The following CMYA5 variants were observed in gnomAD, a reference collection of about 807,000 sequenced individuals.
CMYA5 encodes the protein cardiomyopathy associated 5.
In CMYA5, 246 loss-of-function variants were observed where a neutral mutation model predicts 318.9. The observed-to-expected ratio is 0.77, with a 90% CI of 0.70 to 0.86. The LOEUF (loss-of-function observed/expected upper bound fraction) is 0.86, where lower values mean the gene tolerates loss of function less well. CMYA5 is among the 40% of genes least tolerant of loss of function. The pLI, the probability that CMYA5 is intolerant of heterozygous loss-of-function variation, is 0.00. For missense variants in CMYA5, 4,589 were observed against 4,678.2 expected, an observed-to-expected ratio of 0.98 and a Z score of 0.56; for synonymous variants, 1,641 against 1,729.5, an observed-to-expected ratio of 0.95 and a Z score of 1.27.
intron 10 of CMYA5, among the ~76,000 whole-genome samples, chr5:79,789,772 T>C (rs1829144490): frequency 6.6e-6 from 1 of 152,140 alleles, no homozygotes; most frequent in African/African-American, 2.4e-5. Context: ...AATTTGTGGA[T>C]ATGGTGTGTG....
intron 9 of CMYA5, 100 bp from the exon 10 acceptor site, chr5:79,788,871 T>A (rs2151100186): frequency 8.3e-7 from 1 of 1,211,580 alleles, no homozygotes; most frequent in East Asian, 2.4e-5. Context: ...AATAAGTTAT[T>A]TGTTGCTAAT....
Position 79,789,024 on chromosome 5 carries a change from A to G in CMYA5, c.11609A>G (p.Asp3870Gly). ...CTGAAAGTTAACCTCCAACCCAATG[A>G]TAACTACTTTTTCTATGTGAGGGCC... is the stretch of plus-strand genomic sequence containing the variant. ...LQLKVNLQPNDNYFFYVRAIN... is the reference protein window; with the variant it reads ...LQLKVNLQPNGNYFFYVRAIN... The change falls in exon 10 of 13, where the codon GAT becomes GGT. Residue 3870 changes from aspartate to glycine, a missense_variant. Around this residue, in one of 3 missense-constraint regions of CMYA5, gnomAD observed 2,431 missense variants for 2,495.1 expected, o/e 0.97. Transcript: ENST00000446378. 1 of 1,613,918 alleles carries G rather than the reference A, an allele frequency of 6.2e-7. No individual in the cohort carries two copies. The highest frequency in any genetic ancestry group is 8.5e-7 in the Non-Finnish European group (1 of 1,179,828).
chr5:79,799,251 C>T, intron 12 of CMYA5, 119 bp from the exon 13 acceptor site: 1 of 1,012,756 alleles, frequency 9.9e-7, no homozygotes, highest in South Asian at 1.7e-5. Flanking sequence ...AGCATTATTG[C>T]AACTCCTTAT....
chr5:79,690,528 T>A (rs944403358), intron 1 of CMYA5, among the ~76,000 whole-genome samples: 1 of 152,102 alleles, frequency 6.6e-6, no homozygotes, highest in Non-Finnish European at 1.5e-5. Flanking sequence ...CAAAGGCCCA[T>A]AAATTCTTTG....
At chr5:79,774,729 T>C (rs747297340) in intron 9 of CMYA5, among the ~76,000 whole-genome samples, 9 of 152,142 alleles carry the variant, frequency 5.9e-5, no homozygotes, top group African/African-American at 1.7e-4. Context: ...TATTCCTCCT[T>C]CTTCCAGCTT....
In CMYA5 at chr5:79,787,026, A is replaced by T. The variant is rs554169378; in HGVS notation, c.11556-1945A>T. Among the ~76,000 whole-genome samples, 21 of 152,292 alleles carry T rather than the reference A, an allele frequency of 1.4e-4. No individual in the cohort carries two copies. The South Asian group carries it at 1.9e-3, about 14-fold the overall frequency. ...CTTTATTCTTTAAATGAGCAATGAG[A>T]CAGAGCATGCAGTTGACTATATATG... is the stretch of plus-strand genomic sequence containing the variant. On this transcript the variant is annotated intron_variant, in intron 9 of 12. Coordinates refer to ENST00000446378, the MANE Select transcript of CMYA5 (RefSeq NM_153610.5).
intron 9 of CMYA5, among the ~76,000 whole-genome samples, chr5:79,764,967 T>G (rs1828722066): frequency 6.6e-6 from 1 of 152,230 alleles, no homozygotes; most frequent in Non-Finnish European, 1.5e-5. Context: ...TAGTTTCTTT[T>G]GCTGTGCAGA....
At chr5:79,705,006 C>T (rs1057473897) in intron 1 of CMYA5, among the ~76,000 whole-genome samples, 1 of 152,218 alleles carries the variant, frequency 6.6e-6, no homozygotes, top group Non-Finnish European at 1.5e-5. Flanking sequence ...GGCGCAGTGG[C>T]TCACGCCTGT....
rs1474084633 is a variant in CMYA5, at chr5:79,738,552, G to C, written c.9787G>C (p.Glu3263Gln). The change falls in exon 2 of 13, where the codon GAA becomes CAA. Residue 3263 changes from glutamate to glutamine, a missense_variant. Physicochemically the swap from Glu to Gln is conservative, Grantham distance 29. Transcript: ENST00000446378. ...LTQKDQGQGL[E>Q]EKRVGKDDSY... ...TCAAAAGGACCAGGGCCAAGGTCTG[G>C]AAGAAAAACGAGTTGGTAAGGATGA... 3.1e-6 allele frequency: 5 copies of C among 1,613,448 alleles called. No homozygotes were observed. The highest frequency in any genetic ancestry group is 4.2e-6 in the Non-Finnish European group (5 of 1,179,858).
chr5:79,760,987 A>G (rs777027155), intron 7 of CMYA5, among the ~76,000 whole-genome samples: 1 of 152,204 alleles, frequency 6.6e-6, no homozygotes, highest in Non-Finnish European at 1.5e-5. Flanking sequence ...CTTAAGTGGA[A>G]AAGTTTTGAA....
At chr5:79,743,469 C>T (rs1043753393) in intron 2 of CMYA5, among the ~76,000 whole-genome samples, 8 of 152,276 alleles carry the variant, frequency 5.3e-5, no homozygotes, top group Admixed American at 3.9e-4. Flanking sequence ...AGACTCCTCT[C>T]TCAGAACATA....
rs1828138118 is a variant in CMYA5, at chr5:79,738,535, ACCAGGG to A, written c.9774_9779del (p.Gln3260_Gly3261del). 6.2e-7 allele frequency: 1 copy of A among 1,613,398 alleles called. No homozygotes were observed. Among genetic ancestry groups the A allele is most frequent in the Non-Finnish European group, 8.5e-7 (1 of 1,179,852 alleles). On this transcript the variant is annotated inframe_deletion, in exon 2 of 13. Coordinates refer to ENST00000446378, the MANE Select transcript of CMYA5 (RefSeq NM_153610.5). Reference sequence around the variant, plus strand: ...CATGACACATCTCTAACTCAAAAGGACCAGGGCCAAGGTCTGGAAGAAAAACGAGTT... The same window carrying A: ...CATGACACATCTCTAACTCAAAAGGACCAAGGTCTGGAAGAAAAACGAGTT...
At chr5:79,798,759 T>G (rs1469418) in intron 12 of CMYA5, among the ~76,000 whole-genome samples, 15,306 of 152,144 alleles carry the variant, frequency 0.1, 914 homozygotes, top group African/African-American at 0.17. Flanking sequence ...TGAGTTGAAT[T>G]TGTCTGAATT....
chr5:79,697,449 AC>A (rs1448932041), intron 1 of CMYA5, among the ~76,000 whole-genome samples: 1 of 152,198 alleles, frequency 6.6e-6, no homozygotes, highest in African/African-American at 2.4e-5. Context: ...CATCTCCCTT[AC>A]CCTCATGCTT....
At position 79,729,717 on chromosome 5, in the gene CMYA5, T is replaced by C; in HGVS notation, c.952T>C (p.Phe318Leu). The change falls in exon 2 of 13, where the codon TTC becomes CTC. Residue 318 changes from phenylalanine to leucine, a missense_variant. By Grantham distance (22) the Phe-to-Leu change is conservative. Around this residue, in one of 3 missense-constraint regions of CMYA5, gnomAD observed 2,132 missense variants for 2,131.3 expected, o/e 1.00. Coordinates refer to ENST00000446378, the MANE Select transcript of CMYA5 (RefSeq NM_153610.5). ...AGGATCAGAGTCCCTAACCTTAATG[T>C]TCAGTCATGAAGATCAAAAGAAAAT... ...SKGSESLTLMFSHEDQKKIYA... is the reference protein window; with the variant it reads ...SKGSESLTLMLSHEDQKKIYA... 1 of 1,613,940 alleles carries C rather than the reference T, an allele frequency of 6.2e-7. No individual in the cohort carries two copies. The highest frequency in any genetic ancestry group is 8.5e-7 in the Non-Finnish European group (1 of 1,179,864).
chr5:79,727,503 G>A (rs1237423061), intron 1 of CMYA5, among the ~76,000 whole-genome samples: 4 of 151,996 alleles, frequency 2.6e-5, no homozygotes, highest in Non-Finnish European at 5.9e-5. Flanking sequence ...CTTATGTTTC[G>A]TGTTTTTAAC....
intron 2 of CMYA5, among the ~76,000 whole-genome samples, chr5:79,739,799 A>G (rs1226752023): frequency 1.3e-5 from 2 of 152,068 alleles, no homozygotes; most frequent in Non-Finnish European, 2.9e-5. Context: ...CCTGGGCAAC[A>G]TGGGGAGACC....
At chr5:79,768,502 C>G (rs1268697532) in intron 9 of CMYA5, among the ~76,000 whole-genome samples, 1 of 152,138 alleles carries the variant, frequency 6.6e-6, no homozygotes, top group Non-Finnish European at 1.5e-5. Flanking sequence ...CTGGTGGTGA[C>G]AAACAGCATT....
chr5:79,756,495 C>T (rs763090619), intron 6 of CMYA5, among the ~76,000 whole-genome samples: 9 of 152,142 alleles, frequency 5.9e-5, no homozygotes, highest in Non-Finnish European at 1.2e-4. Flanking sequence ...GGAGGTAATA[C>T]TATTATTATT....
Sources: gnomAD v4.1 joint callset for allele counts (sites outside exome capture counted in the v4.1 genomes callset) on GRCh38, gnomAD v4.1.1 for gene constraint, gnomAD v4.1.1 regional missense constraint, MANE v1.5 for transcripts, NCBI Gene and HGNC (gene_info 2026-07-23, HGNC 2026-07-21) for gene names.